The following SMOC1 variants were observed in gnomAD, a reference collection of about 807,000 sequenced individuals.
SMOC1 encodes SPARC-related modular calcium-binding protein 1.
In SMOC1, 22 loss-of-function variants were observed where a neutral mutation model predicts 56.3. That is an observed-to-expected ratio of 0.39 (90% CI 0.28 to 0.56). SMOC1 has a LOEUF of 0.56. SMOC1 is among the 20% of genes least tolerant of loss of function. The probability of loss-of-function intolerance (pLI) is 0.61; values close to 1 mark genes in which losing one functional copy is unlikely to be tolerated. For missense variants in SMOC1, 509 were observed against 565.4 expected, an observed-to-expected ratio of 0.90 and a Z score of 1.01; for synonymous variants, 193 against 215.0, an observed-to-expected ratio of 0.90 and a Z score of 0.89.
chr14:69,903,266 C>T (rs145376345), intron 1 of SMOC1, among the ~76,000 whole-genome samples: 9,072 of 152,090 alleles, frequency 0.06, 324 homozygotes, highest in Non-Finnish European at 0.08. Context: ...TCTGCCCAGC[C>T]GCGACCCCCT....
At chr14:69,926,632 C>T (rs1885018861) in intron 1 of SMOC1, among the ~76,000 whole-genome samples, 1 of 152,180 alleles carries the variant, frequency 6.6e-6, no homozygotes, top group African/African-American at 2.4e-5. Flanking sequence ...GTGGCCAGCT[C>T]CTCTGACCAA....
intron 1 of SMOC1, among the ~76,000 whole-genome samples, chr14:69,889,330 C>A (rs56185335): frequency 6.6e-6 from 1 of 152,112 alleles, no homozygotes; most frequent in African/African-American, 2.4e-5. Flanking sequence ...GTTACCTCCA[C>A]GCAGTCCTTC....
intron 1 of SMOC1, among the ~76,000 whole-genome samples, chr14:69,937,966 G>A (rs1469537734): frequency 6.6e-6 from 1 of 152,120 alleles, no homozygotes; most frequent in Non-Finnish European, 1.5e-5. Context: ...GCCTGCACTT[G>A]CTCAGCTTCA....
At chr14:69,947,085 C>T (rs540962145) in intron 1 of SMOC1, among the ~76,000 whole-genome samples, 158 of 143,446 alleles carry the variant, frequency 1.1e-3, no homozygotes, top group African/African-American at 3.7e-3. Flanking sequence ...AGTCTCAGGC[C>T]GGCCTTCCTT....
At chr14:69,904,102 A>C (rs1884343532) in intron 1 of SMOC1, among the ~76,000 whole-genome samples, 1 of 152,072 alleles carries the variant, frequency 6.6e-6, no homozygotes, top group African/African-American at 2.4e-5. Flanking sequence ...AGCCCACAGA[A>C]TCAGAGTTGT....
chr14:69,893,693 G>A (rs1378894104), intron 1 of SMOC1, among the ~76,000 whole-genome samples: 3 of 152,208 alleles, frequency 2.0e-5, no homozygotes, highest in Non-Finnish European at 4.4e-5. Flanking sequence ...GGCTTATACA[G>A]TGAAGGAGAT....
chr14:70,016,112 G>A (rs1885500483), intron 10 of SMOC1, among the ~76,000 whole-genome samples: 2 of 152,300 alleles, frequency 1.3e-5, no homozygotes, highest in South Asian at 4.1e-4. Context: ...CAAGAGCACT[G>A]CGTGGGCTCT....
intron 1 of SMOC1, among the ~76,000 whole-genome samples, chr14:69,928,414 C>T (rs1034144322): frequency 6.6e-6 from 1 of 152,198 alleles, no homozygotes; most frequent in Non-Finnish European, 1.5e-5. Flanking sequence ...TCAGCGTAAT[C>T]CCCTGTTTGT....
Position 70,010,938 on chromosome 14 carries a change from C to T in SMOC1, c.849C>T (p.Thr283=), listed in dbSNP as rs764482494. The change falls in exon 8 of 12, where the codon ACC becomes ACT. Residue 283 remains threonine, a synonymous_variant. Coordinates refer to ENST00000361956, the MANE Select transcript of SMOC1 (RefSeq NM_001034852.3). ...ACACAGGGCGCCCGCTGCCTGGGAC[C>T]TCCACACGGTAAGCCCCCCAGACTG... ...LVDTGRPLPG[T]STRYVMPSCE... is the part of the protein sequence containing the mutation. 3 of 1,612,422 alleles carry T rather than the reference C, an allele frequency of 1.9e-6. No homozygotes were observed. The Admixed American group carries it at 5.0e-5, about 27-fold the overall frequency.
chr14:69,939,545 A>T (rs1254356783), intron 1 of SMOC1, among the ~76,000 whole-genome samples: 3 of 152,160 alleles, frequency 2.0e-5, no homozygotes, highest in South Asian at 2.1e-4. Context: ...ATGGAAAACC[A>T]ATCTCTGGAT....
At chr14:69,918,230 A>AT (rs1377974187) in intron 1 of SMOC1, among the ~76,000 whole-genome samples, 15 of 140,878 alleles carry the variant, frequency 1.1e-4, no homozygotes, top group African/African-American at 3.9e-4. Context: ...CTATATATAT[A>AT]TATATATTTT....
rs1334361945 is a variant in SMOC1 at position 69,956,319 on chromosome 14, C to G, written c.378+2787C>G. ...AAATGGATGTGCTTTTCCCGCTGATCAAAGACACTGCAATAACTTCACAAA... is the reference window on the plus strand; with the variant it reads ...AAATGGATGTGCTTTTCCCGCTGATGAAAGACACTGCAATAACTTCACAAA... On this transcript the variant is annotated intron_variant, in intron 3 of 11. Transcript: ENST00000361956. Among the ~76,000 whole-genome samples, 4 of 152,230 alleles carry G rather than the reference C, an allele frequency of 2.6e-5. No homozygotes were observed. The East Asian group carries it at 5.8e-4, about 22-fold the overall frequency.
chr14:69,948,579 C>T (rs1882876482), intron 1 of SMOC1, among the ~76,000 whole-genome samples: 1 of 152,088 alleles, frequency 6.6e-6, no homozygotes, highest in Admixed American at 6.6e-5. Flanking sequence ...TTCAACTTCA[C>T]GGGGATGCTG....
chr14:69,893,988 A>G (rs576537081), intron 1 of SMOC1, among the ~76,000 whole-genome samples: 168 of 152,338 alleles, frequency 1.1e-3, no homozygotes, highest in African/African-American at 3.9e-3. Context: ...TCTTCAAGCT[A>G]AGGAGAGAAG....
intron 1 of SMOC1, among the ~76,000 whole-genome samples, chr14:69,913,256 G>A (rs754892686): frequency 2.6e-5 from 4 of 152,056 alleles, no homozygotes; most frequent in Non-Finnish European, 4.4e-5. Context: ...CCTGTGGGTG[G>A]GAACATGGTA....
chr14:70,015,640 G>A (rs1314818695), intron 10 of SMOC1, among the ~76,000 whole-genome samples: 1 of 152,040 alleles, frequency 6.6e-6, no homozygotes, highest in African/African-American at 2.4e-5. Context: ...TCCTCCAGGA[G>A]GAGCACAGCA....
chr14:70,026,237 A>T (rs1490849685), intron 11 of SMOC1, among the ~76,000 whole-genome samples: 2 of 152,176 alleles, frequency 1.3e-5, no homozygotes, highest in Non-Finnish European at 2.9e-5. Context: ...ATCCAGTGTC[A>T]ATGTAGACCC....
intron 7 of SMOC1, among the ~76,000 whole-genome samples, chr14:70,001,395 C>T (rs1190011860): frequency 6.6e-6 from 1 of 151,984 alleles, no homozygotes; most frequent in Non-Finnish European, 1.5e-5. Context: ...CAGTGGTGCA[C>T]CAAAGGGATG....
chr14:69,885,263 CTTCT>C, intron 1 of SMOC1: 1 of 828,488 alleles, frequency 1.2e-6, no homozygotes, highest in Non-Finnish European at 1.8e-6. Context: ...CTTCGAACAA[CTTCT>C]TTTTTTTTTT....
Sources: allele counts gnomAD v4.1 joint callset (sites outside exome capture counted in the v4.1 genomes callset), GRCh38; gene constraint gnomAD v4.1.1; transcripts MANE v1.5; gene names NCBI Gene and HGNC (gene_info 2026-07-23, HGNC 2026-07-21).